NTN1: variants seen among roughly 807,000 people sequenced by gnomAD.
NTN1 encodes the protein netrin-1.
In NTN1, 11 loss-of-function variants were observed where a neutral mutation model predicts 54.2. The observed-to-expected ratio is 0.20, with a 90% confidence interval of 0.13 to 0.34. NTN1 has a LOEUF of 0.34. Among genes scored for constraint, NTN1 ranks in the 10% least tolerant of loss-of-function variants. The pLI is 1.00. For missense variants in NTN1, 740 were observed against 893.1 expected, an observed-to-expected ratio of 0.83 and a Z score of 2.18; for synonymous variants, 371 against 382.0, an observed-to-expected ratio of 0.97 and a Z score of 0.33.
At chr17:9,121,255 G>T (rs2092230900) in intron 2 of NTN1, among the ~76,000 whole-genome samples, 1 of 152,092 alleles carries the variant, frequency 6.6e-6, no homozygotes, top group Non-Finnish European at 1.5e-5. Context: ...GTACATTCAG[G>T]TTCAAGTTCC....
intron 2 of NTN1, among the ~76,000 whole-genome samples, chr17:9,134,598 A>G (rs552936709): frequency 6.6e-6 from 1 of 152,352 alleles, no homozygotes; most frequent in East Asian, 1.9e-4. Flanking sequence ...AAGTAAGTCT[A>G]ACATGCAGCC....
rs556110494 is a variant in NTN1, at chr17:9,195,521, T to TGCTGGCAGAG, written c.1411+12561_1411+12570dup. ...TGTCACACAGCTGTCACAGCGACCT[T>TGCTGGCAGAG]GCTGGCAGAGGCTGGCAGGGGTGGG... On this transcript the variant is annotated intron_variant, in intron 5 of 6. Coordinates refer to ENST00000173229, the MANE Select transcript of NTN1 (RefSeq NM_004822.3). 3.3e-3 allele frequency among the ~76,000 whole-genome samples: 498 copies of TGCTGGCAGAG among 152,186 alleles called. 1 individual carries two copies. Among genetic ancestry groups the TGCTGGCAGAG allele is most frequent in the African/African-American group, 0.011 (468 of 41,508 alleles).
chr17:9,199,062 C>T (rs562526642), intron 5 of NTN1, among the ~76,000 whole-genome samples: 1 of 152,356 alleles, frequency 6.6e-6, no homozygotes, highest in Admixed American at 6.5e-5. Context: ...CTTCTCACAA[C>T]CCTGTATTGG....
At chr17:9,035,663 G>A (rs565107630) in intron 2 of NTN1, among the ~76,000 whole-genome samples, 5 of 152,266 alleles carry the variant, frequency 3.3e-5, no homozygotes, top group African/African-American at 9.6e-5. Context: ...CGATCCTCCT[G>A]CTTCAGCCTC....
At chr17:9,003,215 G>A in the NTN1 span, among the ~76,000 whole-genome samples, 1 of 151,962 alleles carries the variant, frequency 6.6e-6, no homozygotes, top group Non-Finnish European at 1.5e-5. The surrounding 1 kb of genome is among the most constrained non-coding windows in gnomAD (Gnocchi z 7.4). Context: ...CGCTCGGGAA[G>A]CTCTGGCTGG....
intron 5 of NTN1, among the ~76,000 whole-genome samples, chr17:9,208,728 T>A (rs1238368583): frequency 6.6e-6 from 1 of 152,222 alleles, no homozygotes; most frequent in Non-Finnish European, 1.5e-5. Flanking sequence ...TCTACCACCG[T>A]GCACTCCAGG....
In NTN1 at chr17:9,179,801, C is replaced by T. The variant is rs188738736; in HGVS notation, c.1208-6C>T. 10 of 1,613,058 alleles carry T rather than the reference C, an allele frequency of 6.2e-6. No individual in the cohort carries two copies. The East Asian group carries it at 1.8e-4, about 29-fold the overall frequency. On this transcript the variant is annotated splice_polypyrimidine_tract_variant and splice_region_variant and intron_variant, in intron 3 of 6. Transcript: ENST00000173229. ...GTCTGACCCTCCCATTTTGTGTTCT[C>T]TGCAGCCTGTGATTGCCACCCTGTG...
At chr17:9,013,800 C>T in the NTN1 span, among the ~76,000 whole-genome samples, 236 of 152,342 alleles carry the variant, frequency 1.5e-3, 2 homozygotes, top group South Asian at 5.6e-3. Flanking sequence ...TCTGGAGCAA[C>T]ATCCTTTTCT....
chr17:9,095,267 G>C (rs1157445225), intron 2 of NTN1, among the ~76,000 whole-genome samples: 1 of 152,120 alleles, frequency 6.6e-6, no homozygotes, highest in Non-Finnish European at 1.5e-5. Context: ...TCTGGTGCTC[G>C]TTCATGCAGA....
intron 2 of NTN1, among the ~76,000 whole-genome samples, chr17:9,095,127 A>AT (rs1328720943): frequency 6.6e-6 from 1 of 150,448 alleles, no homozygotes; most frequent in African/African-American, 2.4e-5. Flanking sequence ...ACCTTTGTGT[A>AT]TTTTTTCCAT....
At chr17:9,198,574 C>T (rs1392723529) in intron 5 of NTN1, among the ~76,000 whole-genome samples, 1 of 152,090 alleles carries the variant, frequency 6.6e-6, no homozygotes, top group Non-Finnish European at 1.5e-5. Flanking sequence ...TCTGTTTTGT[C>T]CACTCTCCAA....
chr17:9,156,741 A>C (rs2092343520), intron 2 of NTN1, among the ~76,000 whole-genome samples: 1 of 152,214 alleles, frequency 6.6e-6, no homozygotes, highest in South Asian at 2.1e-4. Flanking sequence ...GACAGAAGTT[A>C]AATTGATGAG....
At chr17:9,108,056 A>T (rs2092173799) in intron 2 of NTN1, among the ~76,000 whole-genome samples, 1 of 152,250 alleles carries the variant, frequency 6.6e-6, no homozygotes. Flanking sequence ...CAAAGATTAT[A>T]GGCTTGGCAC....
rs1449638896 is a variant in NTN1 at position 9,058,141 on chromosome 17, C to T, written c.1018+34750C>T. Among the ~76,000 whole-genome samples, 7 of 152,188 alleles carry T rather than the reference C, an allele frequency of 4.6e-5. 1 individual carries two copies. The highest frequency in any genetic ancestry group is 2.0e-4 in the Admixed American group (3 of 15,274). On this transcript the variant is annotated intron_variant, in intron 2 of 6. Transcript: ENST00000173229. Reference sequence around the variant, plus strand: ...TGAGCTCAGGAAAATATGCCTGCCTCGGCCTCCCAAGGTGCTGGGATTACA... The same window carrying T: ...TGAGCTCAGGAAAATATGCCTGCCTTGGCCTCCCAAGGTGCTGGGATTACA...
At chr17:9,064,056 G>A (rs1437199511) in intron 2 of NTN1, among the ~76,000 whole-genome samples, 2 of 152,156 alleles carry the variant, frequency 1.3e-5, no homozygotes, top group African/African-American at 4.8e-5. Flanking sequence ...GGTCTGGTGG[G>A]TAGTTGTAGT....
chr17:9,156,864 A>G (rs532290711), intron 2 of NTN1, among the ~76,000 whole-genome samples: 3 of 152,074 alleles, frequency 2.0e-5, no homozygotes, highest in East Asian at 1.9e-4. Context: ...AACTGTCTCT[A>G]TACATACCCG....
At chr17:9,163,147 G>GACACACACAC (rs56255655) in intron 3 of NTN1, 146 bp downstream of exon 3, 20 of 524,758 alleles carry the variant, frequency 3.8e-5, no homozygotes, top group Middle Eastern at 5.1e-4. Context: ...CTCTCTCTGT[G>GACACACACAC]ACACACACAC....
chr17:9,172,403 C>T (rs1016572610), intron 3 of NTN1, among the ~76,000 whole-genome samples: 18 of 152,024 alleles, frequency 1.2e-4, no homozygotes, highest in African/African-American at 3.9e-4. Flanking sequence ...TGGCGTGACC[C>T]GGGAGGCGGA....
chr17:9,239,870 G>A lies in NTN1; in HGVS notation c.1717G>A (p.Asp573Asn), dbSNP rs1202701393. 2.5e-6 allele frequency: 4 copies of A among 1,611,464 alleles called. No individual in the cohort carries two copies. Among genetic ancestry groups the A allele is most frequent in the Non-Finnish European group, 3.4e-6 (4 of 1,179,318 alleles). Residue 573 changes from aspartate (D) to asparagine (N), a missense_variant, in exon 7 of 7, where the codon GAT (aspartate) becomes AAT (asparagine). Asp to Asn is a conservative substitution (Grantham distance 23). Transcript: ENST00000173229. The surrounding 1 kb of genome is among the most constrained non-coding windows in gnomAD (Gnocchi z 5.2). ...TCCGGACCAGAGCGGCATCGTGGCC[G>A]ATAAAAGCAGCCTGGTGATCCAGTG... The part of the protein sequence containing the change: ...DSPDQSGIVA[D>N]KSSLVIQWRD...
Sources: gnomAD v4.1 joint callset for allele counts (sites outside exome capture counted in the v4.1 genomes callset) on GRCh38, gnomAD v4.1.1 for gene constraint, Gnocchi (gnomAD v3.1) non-coding constraint, MANE v1.5 for transcripts, NCBI Gene and HGNC (gene_info 2026-07-23, HGNC 2026-07-21) for gene names.